Variants in TAMM41 observed in about 807,000 individuals in gnomAD.
TAMM41 encodes the protein phosphatidate cytidylyltransferase, mitochondrial.
A neutral mutation model predicts 44.1 loss-of-function variants in TAMM41; 36 were observed. The observed-to-expected ratio is 0.82, with a 90% CI of 0.63 to 1.08. The LOEUF (loss-of-function observed/expected upper bound fraction) is 1.08, where lower values mean the gene tolerates loss of function less well. TAMM41 is among the 50% of genes least tolerant of loss of function. The pLI is 0.00. For missense variants in TAMM41, 417 were observed against 404.3 expected (o/e 1.03, Z -0.27); for synonymous variants, 164 against 153.1 (o/e 1.07, Z -0.53).
At chr3:11,759,317 C>G in the TAMM41 span, among the ~76,000 whole-genome samples, 3 of 151,960 alleles carry the variant, frequency 2.0e-5, no homozygotes, top group Non-Finnish European at 4.4e-5. Context: ...TCAGGAAACA[C>G]CTAGATGCTT....
chr3:11,839,723 C>T (rs1459349274), intron 2 of TAMM41, among the ~76,000 whole-genome samples: 1 of 152,154 alleles, frequency 6.6e-6, no homozygotes, highest in East Asian at 1.9e-4. Context: ...AAACTGTTCC[C>T]CTCCCCAGTC....
At chr3:11,721,983 A>G in the TAMM41 span, 1 of 152,252 alleles carries the variant, frequency 6.6e-6, no homozygotes, top group Admixed American at 6.5e-5. Context: ...ATGAATAATG[A>G]TAACAATAAT....
Position 11,807,777 on chromosome 3 carries a change from G to C in TAMM41, c.937+56C>G, listed in dbSNP as rs192338606. ...ACAAAGCTTTACACTGTAACCAAGA[G>C]TGTGGAAGCCACTCAGTCAGCAGGT... On this transcript the variant is annotated intron_variant, in intron 7 of 7. Transcript: ENST00000455809. 390 of 1,536,030 alleles carry C rather than the reference G, an allele frequency of 2.5e-4. 2 individuals are homozygous for C. The African/African-American group carries it at 4.6e-3, about 18-fold the overall frequency.
intron 7 of TAMM41, chr3:11,807,188 G>T (rs1219060577): frequency 7.2e-7 from 1 of 1,389,866 alleles, no homozygotes; most frequent in Non-Finnish European, 9.3e-7. Context: ...CATGAGAGAA[G>T]AACATTATGC....
At chr3:11,816,268 C>A (rs913303520) in intron 5 of TAMM41, among the ~76,000 whole-genome samples, 26 of 149,098 alleles carry the variant, frequency 1.7e-4, no homozygotes, top group African/African-American at 6.4e-4. Flanking sequence ...CAAACAAACA[C>A]TTAATATTAA....
the TAMM41 span, among the ~76,000 whole-genome samples, chr3:11,731,028 A>G: frequency 6.6e-6 from 1 of 152,114 alleles, no homozygotes; most frequent in Non-Finnish European, 1.5e-5. Context: ...GATGACTCCT[A>G]CTTAGAAAAG....
chr3:11,764,553 C>T, the TAMM41 span, among the ~76,000 whole-genome samples: 26 of 125,234 alleles, frequency 2.1e-4, no homozygotes, highest in Admixed American at 1.8e-3. Flanking sequence ...AGTTCAGTGG[C>T]GCGATCTCGG....
At chr3:11,735,102 AT>A in the TAMM41 span, among the ~76,000 whole-genome samples, 1 of 150,468 alleles carries the variant, frequency 6.6e-6, no homozygotes, top group Non-Finnish European at 1.5e-5. Context: ...GCTCACACCT[AT>A]AATCCTAGCA....
intron 3 of TAMM41, among the ~76,000 whole-genome samples, chr3:11,837,072 A>G (rs2125052246): frequency 6.6e-6 from 1 of 152,350 alleles, no homozygotes. Context: ...TGGACATTTT[A>G]AGGAGCTACA....
At chr3:11,736,722 C>T in the TAMM41 span, among the ~76,000 whole-genome samples, 1 of 149,404 alleles carries the variant, frequency 6.7e-6, no homozygotes, top group Admixed American at 6.6e-5. Flanking sequence ...ATGCTGGCAT[C>T]CCTGGGACTG....
chr3:11,741,255 T>C, the TAMM41 span, among the ~76,000 whole-genome samples: 6 of 140,604 alleles, frequency 4.3e-5, no homozygotes, highest in Non-Finnish European at 6.0e-5. Flanking sequence ...GCTCTGGCAC[T>C]GGTGTCTGGT....
At chr3:11,801,668 C>T (rs1460100533) in intron 7 of TAMM41, among the ~76,000 whole-genome samples, 2 of 152,018 alleles carry the variant, frequency 1.3e-5, no homozygotes, top group South Asian at 2.1e-4. Flanking sequence ...ACACAACATA[C>T]CAAAGCCTGT....
chr3:11,790,486 T>C lies in TAMM41; in HGVS notation c.*19A>G, dbSNP rs1199531801. 7 of 1,606,084 alleles carry C rather than the reference T, an allele frequency of 4.4e-6. No homozygotes were observed. The South Asian group carries it at 7.7e-5, about 18-fold the overall frequency. On this transcript the variant is annotated 3_prime_UTR_variant, in exon 8 of 8. Coordinates refer to ENST00000455809, the MANE Select transcript of TAMM41 (RefSeq NM_001284401.2). ...ACACTTTATTCATCTACACATAACA[T>C]ATATAAAAGCAAGCAAAATCAGGAT... is the stretch of plus-strand genomic sequence containing the variant.
At chr3:11,814,949 G>A (rs1010472649) in intron 5 of TAMM41, among the ~76,000 whole-genome samples, 6 of 152,060 alleles carry the variant, frequency 3.9e-5, no homozygotes, top group African/African-American at 1.4e-4. Flanking sequence ...GGGCAACTGA[G>A]CAAGGCCCTG....
At chr3:11,727,849 C>T in the TAMM41 span, among the ~76,000 whole-genome samples, 36 of 149,490 alleles carry the variant, frequency 2.4e-4, no homozygotes, top group African/African-American at 8.1e-4. Flanking sequence ...TGCAATGGCG[C>T]GATCTCGGCT....
At chr3:11,747,666 G>A in the TAMM41 span, among the ~76,000 whole-genome samples, 1 of 151,550 alleles carries the variant, frequency 6.6e-6, no homozygotes, top group Non-Finnish European at 1.5e-5. Context: ...CTACTCAGGA[G>A]GCTGTGGGAG....
chr3:11,755,478 G>A, the TAMM41 span, among the ~76,000 whole-genome samples: 1 of 152,130 alleles, frequency 6.6e-6, no homozygotes, highest in Non-Finnish European at 1.5e-5. Context: ...AGGATGGTAC[G>A]GTGCTTCAAG....
the TAMM41 span, among the ~76,000 whole-genome samples, chr3:11,732,989 G>GTTTTTTTTTTTTTTTTTT: frequency 7.8e-6 from 1 of 128,464 alleles, no homozygotes; most frequent in African/African-American, 3.0e-5. Flanking sequence ...TATGATTTGA[G>GTTTTTTTTTTTTTTTTTT]TTTTTTTTTT....
chr3:11,732,333 TC>T, the TAMM41 span, among the ~76,000 whole-genome samples: 28 of 147,374 alleles, frequency 1.9e-4, 2 homozygotes, highest in Admixed American at 1.4e-3. Flanking sequence ...CCTCTCTCTC[TC>T]CCTCCCTGCC....
Sources: allele counts gnomAD v4.1 joint callset (sites outside exome capture counted in the v4.1 genomes callset), GRCh38; gene constraint gnomAD v4.1.1; transcripts MANE v1.5; gene names NCBI Gene and HGNC (gene_info 2026-07-23, HGNC 2026-07-21).